GXYLT2: variants seen among roughly 807,000 people sequenced by gnomAD.
GXYLT2 encodes the protein glycosyltransferase 8 domain containing 4.
Under a neutral mutation model 45.8 loss-of-function variants are expected in GXYLT2, and 53 were observed. The observed-to-expected ratio is 1.16, with a 90% CI of 0.93 to 1.46. The LOEUF (loss-of-function observed/expected upper bound fraction) is 1.46. Among genes scored for constraint, GXYLT2 ranks in the 40% most tolerant of loss-of-function variants. The probability of loss-of-function intolerance (pLI) is 0.00; values close to 1 mark genes in which losing one functional copy is unlikely to be tolerated. For missense variants in GXYLT2, 551 were observed against 544.4 expected, an observed-to-expected ratio of 1.01 and a Z score of -0.12; for synonymous variants, 219 against 214.2, an observed-to-expected ratio of 1.02 and a Z score of -0.19.
intron 3 of GXYLT2, among the ~76,000 whole-genome samples, chr3:72,950,823 G>A (rs1710507755): frequency 6.6e-6 from 1 of 152,220 alleles, no homozygotes. Context: ...TCGTCTTGCT[G>A]CCCATGGCCA....
At position 72,942,530 on chromosome 3, in the gene GXYLT2, C is replaced by T. The variant is rs1224392738; in HGVS notation, c.601-12568C>T. 5.3e-5 allele frequency among the ~76,000 whole-genome samples: 8 copies of T among 152,136 alleles called. No individual in the cohort carries two copies. In the East Asian group the frequency reaches 1.4e-3, roughly 26 times the overall value. On this transcript the variant is annotated intron_variant, in intron 3 of 6. Transcript: ENST00000389617. ...TATTTAGTAAAGAAAAAGGGGAAAT[C>T]CTTAGTTGACTGTGGAGAATATTGT...
At chr3:72,962,238 G>T (rs554279925) in intron 5 of GXYLT2, among the ~76,000 whole-genome samples, 2 of 152,166 alleles carry the variant, frequency 1.3e-5, no homozygotes, top group Non-Finnish European at 2.9e-5. Flanking sequence ...CTAGGAAACT[G>T]GTAACAAATC....
In GXYLT2 at chr3:72,908,464, C is replaced by G; in HGVS notation, c.373C>G (p.Leu125Val). Residue 125 changes from leucine (L) to valine (V), a missense_variant, in exon 2 of 7, where the codon CTG (leucine) becomes GTG (valine). Physicochemically the swap from Leu to Val is conservative, Grantham distance 32 (BLOSUM62 1). Transcript: ENST00000389617. ...CTGTGGCAATCGGCTGGAGGAGACG[C>G]TGGTCATGCTCAAATCAGCTGTGCT... ...VACGNRLEET[L>V]VMLKSAVLFS... is the part of the protein sequence containing the mutation. 6.2e-7 allele frequency: 1 copy of G among 1,613,944 alleles called. No individual in the cohort carries two copies. The highest frequency in any genetic ancestry group is 1.1e-5 in the South Asian group (1 of 91,082).
chr3:72,889,057 G>A (rs970911615), intron 1 of GXYLT2, among the ~76,000 whole-genome samples: 3 of 152,138 alleles, frequency 2.0e-5, no homozygotes, highest in Admixed American at 1.3e-4. Flanking sequence ...AAGACAGAGT[G>A]GGGGTTTCCA....
In GXYLT2 at chr3:72,960,280, T is replaced by A. The variant is rs529646964; in HGVS notation, c.976+2928T>A. Among the ~76,000 whole-genome samples, 246 of 152,294 alleles carry A rather than the reference T, an allele frequency of 1.6e-3. 1 individual carries two copies. In the South Asian group the frequency reaches 0.019, roughly 12 times the overall value. On this transcript the variant is annotated intron_variant, in intron 5 of 6. Coordinates refer to ENST00000389617, the MANE Select transcript of GXYLT2 (RefSeq NM_001080393.2). ...TGTGGCCAAAACGATCTAATTTAAG[T>A]CTCCCTGTCCATATTCCCAAATTGA...
intron 2 of GXYLT2, 45 bp downstream of exon 2, chr3:72,908,604 A>G: frequency 7.3e-7 from 1 of 1,362,830 alleles, no homozygotes; most frequent in Non-Finnish European, 1.0e-6. Flanking sequence ...AAGTACAAAC[A>G]GACTACATTT....
At chr3:72,932,490 C>T (rs1358177239) in intron 3 of GXYLT2, among the ~76,000 whole-genome samples, 1 of 152,132 alleles carries the variant, frequency 6.6e-6, no homozygotes, top group Non-Finnish European at 1.5e-5. Context: ...ATGCTTATTT[C>T]TGAACCAATC....
intron 5 of GXYLT2, among the ~76,000 whole-genome samples, chr3:72,964,169 A>T (rs1252739147): frequency 1.3e-5 from 2 of 152,148 alleles, no homozygotes; most frequent in East Asian, 3.9e-4. Context: ...TACCACGATT[A>T]TAGAGCTAGA....
chr3:72,897,682 G>T lies in GXYLT2; in HGVS notation c.275+9174G>T, dbSNP rs78734995. Among the ~76,000 whole-genome samples, 994 of 152,326 alleles carry T rather than the reference G, an allele frequency of 6.5e-3. 13 individuals carry two copies. Among genetic ancestry groups the T allele is most frequent in the African/African-American group, 0.023 (949 of 41,572 alleles). Reference sequence around the variant, plus strand: ...AACCCAAAGCAGATGTCCATTATCAGTGGTATGCCCATTTTACAGATGAGG... The same window carrying T: ...AACCCAAAGCAGATGTCCATTATCATTGGTATGCCCATTTTACAGATGAGG... On this transcript the variant is annotated intron_variant, in intron 1 of 6. Transcript: ENST00000389617.
intron 2 of GXYLT2, among the ~76,000 whole-genome samples, chr3:72,915,365 G>GC (rs1283360565): frequency 7.6e-6 from 1 of 132,174 alleles, no homozygotes; most frequent in Non-Finnish European, 1.6e-5. Context: ...GCGGGGGGGG[G>GC]GGGGATTTAG....
intron 5 of GXYLT2, among the ~76,000 whole-genome samples, chr3:72,960,142 G>A (rs550040662): frequency 1.1e-4 from 17 of 152,196 alleles, no homozygotes; most frequent in East Asian, 5.8e-4. Flanking sequence ...ATAGGCATCC[G>A]CCACCATGCC....
chr3:72,937,985 A>G (rs1354606057), intron 3 of GXYLT2, among the ~76,000 whole-genome samples: 2 of 152,158 alleles, frequency 1.3e-5, no homozygotes, highest in Non-Finnish European at 2.9e-5. Flanking sequence ...TTGGCCAGGC[A>G]TGGTGGTTCA....
rs1709103156 is a variant in GXYLT2 at position 72,888,248 on chromosome 3, C to G, written c.15C>G (p.Ser5Arg). Residue 5 changes from serine (S) to arginine (R), a missense_variant, in exon 1 of 7, where the codon AGC becomes AGG. Physicochemically the swap from Ser to Arg is moderately radical, Grantham distance 110. Coordinates refer to ENST00000389617, the MANE Select transcript of GXYLT2 (RefSeq NM_001080393.2). MKLRSKAAALLLLAL... is the reference protein window; with the variant it reads MKLRRKAAALLLLAL... ...CGCGCCGCACCATGAAGCTCCGCAG[C>G]AAGGCGGCGGCGCTGCTCTTGCTCG... is the stretch of plus-strand genomic sequence containing the variant. 34 of 994,154 alleles carry G rather than the reference C, an allele frequency of 3.4e-5. No homozygotes were observed. The highest frequency in any genetic ancestry group is 1.3e-4 in the South Asian group (3 of 22,650). 61.6% of individuals were successfully genotyped at this position (994,154 alleles called of 1,614,324 possible). A position where few individuals can be genotyped will look rare whatever the true frequency, so the allele number is the denominator to read the frequency against.
intron 3 of GXYLT2, among the ~76,000 whole-genome samples, chr3:72,936,891 G>A (rs983097668): frequency 2.6e-5 from 4 of 152,110 alleles, no homozygotes; most frequent in African/African-American, 9.7e-5. Context: ...GTGAAAGAGA[G>A]CTAAAACCTA....
intron 1 of GXYLT2, among the ~76,000 whole-genome samples, chr3:72,888,790 C>G (rs1709119831): frequency 6.6e-6 from 1 of 152,200 alleles, no homozygotes; most frequent in South Asian, 2.1e-4. Flanking sequence ...TTTTTGCACT[C>G]TTGCAAACAT....
intron 1 of GXYLT2, among the ~76,000 whole-genome samples, chr3:72,902,743 G>C (rs1709432027): frequency 1.3e-5 from 1 of 79,900 alleles, no homozygotes; most frequent in African/African-American, 3.9e-5. Context: ...TTCCAGGCAT[G>C]GTGGCTCATG....
chr3:72,970,464 T>G (rs1245544126), intron 6 of GXYLT2, among the ~76,000 whole-genome samples: 1 of 151,022 alleles, frequency 6.6e-6, no homozygotes, highest in Non-Finnish European at 1.5e-5. Flanking sequence ...GGCAACATAG[T>G]AAGACCCTGT....
At chr3:72,972,210 A>G (rs1223495354) in intron 6 of GXYLT2, among the ~76,000 whole-genome samples, 2 of 152,148 alleles carry the variant, frequency 1.3e-5, no homozygotes, top group East Asian at 3.9e-4. Context: ...CAGCCTCCCC[A>G]CAAGAAGGCA....
intron 1 of GXYLT2, among the ~76,000 whole-genome samples, chr3:72,905,064 CAAAAA>C (rs1177216917): frequency 0.025 from 913 of 36,238 alleles, 11 homozygotes; most frequent in African/African-American, 0.06. Flanking sequence ...GATTCTGTCT[CAAAAA>C]AAAAAAAAAA....
Sources: gnomAD v4.1 joint callset for allele counts (sites outside exome capture counted in the v4.1 genomes callset) on GRCh38, gnomAD v4.1.1 for gene constraint, MANE v1.5 for transcripts, NCBI Gene and HGNC (gene_info 2026-07-23, HGNC 2026-07-21) for gene names.